The following ZNF665 variants were observed in gnomAD, a reference collection of about 807,000 sequenced individuals.
The protein encoded by ZNF665 is zinc finger protein 665.
In ZNF665, 6 loss-of-function variants were observed where a neutral mutation model predicts 7.9. The ratio of observed to expected loss-of-function variants is 0.76; its 90% CI spans 0.42 to 1.50. ZNF665 has a LOEUF of 1.50. Ranked by LOEUF, ZNF665 falls within the 40% of genes most tolerant of loss-of-function variation. The probability of loss-of-function intolerance (pLI) is 0.01; values close to 1 mark genes in which losing one functional copy is unlikely to be tolerated. For synonymous variants in ZNF665, 242 were observed against 274.5 expected, an observed-to-expected ratio of 0.88 and a Z score of 1.17; for missense variants, 819 against 806.7, an observed-to-expected ratio of 1.02 and a Z score of -0.18.
chr19:53,169,777 T>C (rs1273482923), intron 3 of ZNF665, among the ~76,000 whole-genome samples: 1 of 148,588 alleles, frequency 6.7e-6, no homozygotes, highest in Non-Finnish European at 1.5e-5. Flanking sequence ...AGTGAGAATA[T>C]GCGGTGTTTG....
intron 1 of ZNF665, among the ~76,000 whole-genome samples, chr19:53,183,872 A>G (rs2090757098): frequency 6.6e-6 from 1 of 152,150 alleles, no homozygotes; most frequent in Non-Finnish European, 1.5e-5. Context: ...AAGGAGGCAC[A>G]GGCAGGAGAC....
intron 2 of ZNF665, 79 bp from the exon 3 acceptor site, chr19:53,175,650 T>TG: frequency 4.0e-6 from 6 of 1,501,552 alleles, no homozygotes; most frequent in South Asian, 3.8e-5. Context: ...AGGAGAGAGC[T>TG]GTAAGAATAG....
intron 3 of ZNF665, among the ~76,000 whole-genome samples, chr19:53,170,448 A>G (rs900308184): frequency 2.6e-5 from 4 of 152,066 alleles, no homozygotes; most frequent in Non-Finnish European, 5.9e-5. Flanking sequence ...ACATCTTCCT[A>G]ATCTCCCCAA....
chr19:53,175,568 G>C lies in ZNF665; in HGVS notation c.19C>G (p.Gln7Glu), dbSNP rs1250201844. Residue 7 changes from glutamine (Q) to glutamate (E), a missense_variant, in exon 3 of 4, where the codon CAG (glutamine) becomes GAG (glutamate). Transcript: ENST00000396424. ...ATGGCCACATCCTTGAATGTCAACT[G>C]TCCCTAAAATGAAAAACACATTTCA... Reference protein sequence around the residue: MALPQGQLTFKDVAIEF... With the variant: MALPQGELTFKDVAIEF... 6.3e-7 allele frequency: 1 copy of C among 1,593,936 alleles called. No individual in the cohort carries two copies. Among genetic ancestry groups the C allele is most frequent in the Non-Finnish European group, 8.5e-7 (1 of 1,174,612 alleles).
chr19:53,170,359 C>G (rs1476231608), intron 3 of ZNF665, among the ~76,000 whole-genome samples: 1 of 152,158 alleles, frequency 6.6e-6, no homozygotes, highest in South Asian at 2.1e-4. Flanking sequence ...ATGATGGAAT[C>G]ACGCTTATTA....
At chr19:53,171,009 G>A (rs759393671) in intron 3 of ZNF665, among the ~76,000 whole-genome samples, 4 of 151,906 alleles carry the variant, frequency 2.6e-5, no homozygotes, top group Admixed American at 6.6e-5. Flanking sequence ...TTTTCGAGAC[G>A]GAGTCTTGCT....
rs1366458305 is a variant in ZNF665 at position 53,165,372 on chromosome 19, G to T, written c.1118C>A (p.Pro373His). ...TTTCCCACACTCATTACACTTGTAA[G>T]GTTTCTCACCAGTATGAATTCGCCG... Reference protein sequence around the residue: ...KHRRIHTGEKPYKCNECGKAF... With the variant: ...KHRRIHTGEKHYKCNECGKAF... Residue 373 changes from proline (P) to histidine (H), a missense_variant, in exon 4 of 4, where the codon CCT (proline) becomes CAT (histidine). Coordinates refer to ENST00000396424, the MANE Select transcript of ZNF665 (RefSeq NM_024733.5). The T allele has an allele frequency of 6.2e-7, 1 of 1,614,040 alleles. No individual in the cohort carries two copies. Among genetic ancestry groups the T allele is most frequent in the Non-Finnish European group, 8.5e-7 (1 of 1,180,026 alleles).
intron 1 of ZNF665, among the ~76,000 whole-genome samples, chr19:53,184,508 G>A (rs1189872888): frequency 1.3e-5 from 2 of 152,118 alleles, no homozygotes; most frequent in Non-Finnish European, 2.9e-5. Context: ...CCAGCAGAGT[G>A]TTGAGGAGAC....
chr19:53,185,185 G>A (rs1017904317), intron 1 of ZNF665, among the ~76,000 whole-genome samples: 10 of 151,344 alleles, frequency 6.6e-5, no homozygotes, highest in East Asian at 3.9e-4. Flanking sequence ...AAACTCCCCC[G>A]GGGAAAGGGA....
chr19:53,167,782 G>A (rs1207813023), intron 3 of ZNF665, among the ~76,000 whole-genome samples: 2 of 147,820 alleles, frequency 1.4e-5, no homozygotes, highest in African/African-American at 4.9e-5. Flanking sequence ...TCTGCCGGGC[G>A]CCGGTGGCTC....
intron 3 of ZNF665, among the ~76,000 whole-genome samples, chr19:53,167,389 T>G (rs997726651): frequency 6.6e-6 from 1 of 152,000 alleles, no homozygotes; most frequent in African/African-American, 2.4e-5. Context: ...ACTCAGGATA[T>G]AAGCAGTAGG....
intron 1 of ZNF665, among the ~76,000 whole-genome samples, chr19:53,190,671 T>C (rs2090810187): frequency 6.6e-6 from 1 of 152,206 alleles, no homozygotes; most frequent in Admixed American, 6.5e-5. Context: ...CGGTAGCTCA[T>C]GCCTGTAATC....
rs1464384949 is a variant in ZNF665, at chr19:53,163,583, A to G, written c.*870T>C. ...ATTCTTTCCCGAACAACACCATGTT[A>G]GGCGTATAATCATGTATAAAATCAG... On this transcript the variant is annotated 3_prime_UTR_variant, in exon 4 of 4. Coordinates refer to ENST00000396424, the MANE Select transcript of ZNF665 (RefSeq NM_024733.5). 1 of 152,226 alleles carries G rather than the reference A, an allele frequency of 6.6e-6. No individual in the cohort carries two copies. Among genetic ancestry groups the G allele is most frequent in the Non-Finnish European group, 1.5e-5 (1 of 68,048 alleles). The allele number at this position is 152,226 out of a possible 1,614,324, so 9.4% of individuals were successfully genotyped here.
chr19:53,164,603 A>G lies in ZNF665; in HGVS notation c.1887T>C (p.Asn629=). Residue 629 remains asparagine, a synonymous_variant, in exon 4 of 4, where the codon AAT becomes AAC. Coordinates refer to ENST00000396424, the MANE Select transcript of ZNF665 (RefSeq NM_024733.5). The part of the protein sequence containing the change: ...IHTGEKPYRC[N]ECGKAFSVRS... ...GAACACTGAAGGCTTTCCCACACTC[A>G]TTACACCTATAAGGTTTTTCTCCAG... is the stretch of plus-strand genomic sequence containing the variant. 4 of 1,614,180 alleles carry G rather than the reference A, an allele frequency of 2.5e-6. No homozygotes were observed. Among genetic ancestry groups the G allele is most frequent in the Non-Finnish European group, 3.4e-6 (4 of 1,180,016 alleles).
intron 3 of ZNF665, among the ~76,000 whole-genome samples, chr19:53,172,431 T>C (rs944529720): frequency 6.6e-6 from 1 of 152,214 alleles, no homozygotes; most frequent in African/African-American, 2.4e-5. Context: ...CTAACACATA[T>C]CTTTTGTCCT....
Position 53,165,244 on chromosome 19 carries a change from G to A in ZNF665, c.1246C>T (p.His416Tyr), listed in dbSNP as rs1250695587. The A allele has an allele frequency of 6.2e-7, 1 of 1,613,892 alleles. No individual in the cohort carries two copies. The highest frequency in any genetic ancestry group is 1.7e-5 in the Admixed American group (1 of 59,988). Residue 416 changes from histidine to tyrosine, a missense_variant, in exon 4 of 4, where the codon CAC becomes TAC. Coordinates refer to ENST00000396424, the MANE Select transcript of ZNF665 (RefSeq NM_024733.5). Reference protein sequence around the residue: ...ECVKVFTQYSHLANHRRIHTG... With the variant: ...ECVKVFTQYSYLANHRRIHTG... ...TGAATTCTTCGATGATTTGCTAAGTGTGAATACTGAGTGAAAACCTTGACG... is the reference window on the plus strand; with the variant it reads ...TGAATTCTTCGATGATTTGCTAAGTATGAATACTGAGTGAAAACCTTGACG...
Position 53,165,322 on chromosome 19 carries a change from T to C in ZNF665, c.1168A>G (p.Thr390Ala), listed in dbSNP as rs765867340. 1.2e-6 allele frequency: 2 copies of C among 1,613,490 alleles called. No homozygotes were observed. Among genetic ancestry groups the C allele is most frequent in the Admixed American group, 1.7e-5 (1 of 59,978 alleles). The stretch of plus-strand genomic sequence containing the variant: ...CCGGTATGGATGATCTGATGCTTAG[T>C]TAAGTTTGAATGCATACTGAAGGCT... ...GKAFSMHSNL[T>A]KHQIIHTGEK... Residue 390 changes from threonine to alanine, a missense_variant, in exon 4 of 4, where the codon ACT becomes GCT. Thr to Ala is a moderately conservative substitution (Grantham distance 58). Coordinates refer to ENST00000396424, the MANE Select transcript of ZNF665 (RefSeq NM_024733.5).
At chr19:53,180,266 C>G (rs2090728695) in intron 2 of ZNF665, among the ~76,000 whole-genome samples, 1 of 151,984 alleles carries the variant, frequency 6.6e-6, no homozygotes, top group East Asian at 1.9e-4. Flanking sequence ...AACCCCGTCT[C>G]TACTAAAAAT....
Position 53,164,133 on chromosome 19 carries a change from C to CTTTTTTTTTTTTTTTTTTTTTTTTTTT in ZNF665, c.*319_*320insAAAAAAAAAAAAAAAAAAAAAAAAAAA. On this transcript the variant is annotated 3_prime_UTR_variant, in exon 4 of 4. Transcript: ENST00000396424. The stretch of plus-strand genomic sequence containing the variant: ...CTGGCCGCACTCCTTTGTAAGGTTA[C>CTTTTTTTTTTTTTTTTTTTTTTTTTTT]TTTTTTTTTTTTTTTTTTTTTGGAG... 1 of 104,642 alleles carries CTTTTTTTTTTTTTTTTTTTTTTTTTTT rather than the reference C, an allele frequency of 9.6e-6. No homozygotes were observed. Among genetic ancestry groups the CTTTTTTTTTTTTTTTTTTTTTTTTTTT allele is most frequent in the Non-Finnish European group, 1.9e-5 (1 of 51,356 alleles). 6.5% of individuals were successfully genotyped at this position (104,642 alleles called of 1,614,324 possible).
Sources: gnomAD v4.1 joint callset for allele counts (sites outside exome capture counted in the v4.1 genomes callset) on GRCh38, gnomAD v4.1.1 for gene constraint, MANE v1.5 for transcripts, NCBI Gene and HGNC (gene_info 2026-07-23, HGNC 2026-07-21) for gene names.